E2F3: variants seen among roughly 807,000 people sequenced by gnomAD.
E2F3 encodes the protein transcription factor E2F3.
Under a neutral mutation model 44.4 loss-of-function variants are expected in E2F3, and 11 were observed. The ratio of observed to expected loss-of-function variants is 0.25; its 90% CI spans 0.16 to 0.41. E2F3 has a LOEUF of 0.41. Ranked by LOEUF, E2F3 falls within the 10% of genes least tolerant of loss-of-function variation. E2F3 has a pLI of 1.00. For synonymous variants in E2F3, 249 were observed against 253.0 expected (o/e 0.98, Z 0.15); for missense variants, 487 against 583.6 (o/e 0.83, Z 1.70).
intron 1 of E2F3, among the ~76,000 whole-genome samples, chr6:20,457,816 G>A (rs1260174381): frequency 6.6e-6 from 1 of 152,068 alleles, no homozygotes; most frequent in East Asian, 1.9e-4. Context: ...AGTTAATACT[G>A]TCATCCCTTT....
chr6:20,479,161 T>G (rs1762138656), intron 1 of E2F3, among the ~76,000 whole-genome samples: 1 of 152,210 alleles, frequency 6.6e-6, no homozygotes, highest in East Asian at 1.9e-4. Flanking sequence ...ATTGCATGTT[T>G]GCAGTATTTG....
At chr6:20,471,239 A>G (rs369935879) in intron 1 of E2F3, among the ~76,000 whole-genome samples, 38 of 152,300 alleles carry the variant, frequency 2.5e-4, no homozygotes, top group Non-Finnish European at 5.1e-4. Context: ...ATTTCAAGAT[A>G]TAAATGTATA....
intron 1 of E2F3, among the ~76,000 whole-genome samples, chr6:20,407,363 C>T (rs1759526823): frequency 1.3e-5 from 2 of 152,210 alleles, no homozygotes; most frequent in Admixed American, 1.3e-4. Context: ...AAATATGGCA[C>T]TGTGGGCTGA....
chr6:20,413,847 T>C (rs898054408), intron 1 of E2F3, among the ~76,000 whole-genome samples: 7 of 152,050 alleles, frequency 4.6e-5, no homozygotes, highest in Non-Finnish European at 1.0e-4. Context: ...AATGATGGTG[T>C]GAAAAGGCAG....
chr6:20,463,571 A>G (rs2068472829), intron 1 of E2F3, among the ~76,000 whole-genome samples: 2 of 152,120 alleles, frequency 1.3e-5, no homozygotes, highest in African/African-American at 4.8e-5. Context: ...TCTCTGGGAA[A>G]AAGTCCCTAT....
intron 4 of E2F3, 63 bp downstream of exon 4, chr6:20,482,983 A>T (rs1256543555): frequency 6.2e-7 from 1 of 1,605,656 alleles, no homozygotes; most frequent in Non-Finnish European, 8.5e-7. Context: ...CAGAGTTGAC[A>T]ATCTGACTTA....
intron 1 of E2F3, chr6:20,403,924 G>A (rs1343879250): frequency 1.3e-6 from 1 of 764,538 alleles, no homozygotes; most frequent in African/African-American, 1.9e-5. Context: ...CGGTTGAGCG[G>A]GGTTTTGGAG....
At chr6:20,489,710 C>G (rs1381455237) in intron 6 of E2F3, among the ~76,000 whole-genome samples, 1 of 151,942 alleles carries the variant, frequency 6.6e-6, no homozygotes, top group Non-Finnish European at 1.5e-5. Context: ...CATGGTGGCT[C>G]ACACCTGTAA....
chr6:20,413,052 C>T (rs902754417), intron 1 of E2F3, among the ~76,000 whole-genome samples: 9 of 152,202 alleles, frequency 5.9e-5, no homozygotes, highest in African/African-American at 2.2e-4. Flanking sequence ...GGTTAATGGC[C>T]TGGCTCTGGG....
At chr6:20,482,599 A>AATATAT (rs148425868) in intron 3 of E2F3, among the ~76,000 whole-genome samples, 163 bp from the exon 4 acceptor site, 27 of 134,498 alleles carry the variant, frequency 2.0e-4, no homozygotes, top group South Asian at 4.6e-4. Flanking sequence ...TGAAAAAAAA[A>AATATAT]ATATATATAT....
At chr6:20,446,537 A>T (rs1760950548) in intron 1 of E2F3, among the ~76,000 whole-genome samples, 1 of 152,154 alleles carries the variant, frequency 6.6e-6, no homozygotes, top group Non-Finnish European at 1.5e-5. Context: ...AGAAAATGGA[A>T]AGTGAAATTT....
chr6:20,475,478 G>A (rs982647336), intron 1 of E2F3, among the ~76,000 whole-genome samples: 31 of 152,234 alleles, frequency 2.0e-4, no homozygotes, highest in South Asian at 4.1e-4. Flanking sequence ...GGAGTTCTGG[G>A]TCCCAGACTC....
chr6:20,485,813 C>A (rs112346880), intron 4 of E2F3, among the ~76,000 whole-genome samples: 4 of 152,290 alleles, frequency 2.6e-5, no homozygotes, highest in African/African-American at 9.6e-5. Context: ...AGCCCAGGTG[C>A]ACTTAAGAAA....
In E2F3 at chr6:20,486,816, C is replaced by T. The variant is rs1286243656; in HGVS notation, c.999+13C>T. ...TGACTCAATAGAGGTAAGGAGACAGCGTCTTTGTTCATCTGCAAAGATCTT... is the reference window on the plus strand; with the variant it reads ...TGACTCAATAGAGGTAAGGAGACAGTGTCTTTGTTCATCTGCAAAGATCTT... On this transcript the variant is annotated intron_variant, in intron 5 of 6. Transcript: ENST00000346618. 3.9e-6 allele frequency: 6 copies of T among 1,522,044 alleles called. No individual in the cohort carries two copies. Among genetic ancestry groups the T allele is most frequent in the South Asian group, 1.2e-5 (1 of 85,966 alleles). The allele number at this position is 1,522,044 out of a possible 1,614,324, so 94.3% of individuals were successfully genotyped here.
intron 1 of E2F3, among the ~76,000 whole-genome samples, chr6:20,446,000 G>A (rs1465128518): frequency 6.6e-6 from 1 of 152,180 alleles, no homozygotes; most frequent in Non-Finnish European, 1.5e-5. Flanking sequence ...ACTCAGACTG[G>A]GACAGTGTAG....
intron 1 of E2F3, among the ~76,000 whole-genome samples, chr6:20,430,096 T>G (rs1418546632): frequency 6.6e-6 from 1 of 152,172 alleles, no homozygotes; most frequent in Non-Finnish European, 1.5e-5. Context: ...ACTTTTAAAT[T>G]CTAAATTTGC....
intron 1 of E2F3, among the ~76,000 whole-genome samples, chr6:20,473,945 T>G (rs1761967696): frequency 6.6e-6 from 1 of 152,078 alleles, no homozygotes; most frequent in Non-Finnish European, 1.5e-5. Context: ...CAGTCTCAAG[T>G]CTTGTCTTTT....
At chr6:20,407,137 T>G (rs1759519029) in intron 1 of E2F3, among the ~76,000 whole-genome samples, 1 of 152,156 alleles carries the variant, frequency 6.6e-6, no homozygotes, top group African/African-American at 2.4e-5. Context: ...AAAAGAAAAG[T>G]GCCGGGTTCC....
At chr6:20,442,799 G>A (rs1189731242) in intron 1 of E2F3, among the ~76,000 whole-genome samples, 5 of 151,898 alleles carry the variant, frequency 3.3e-5, no homozygotes, top group African/African-American at 4.8e-5. Context: ...GTGAAACCCC[G>A]TCTCTACTAA....
Sources: gnomAD v4.1 joint callset for allele counts (sites outside exome capture counted in the v4.1 genomes callset) on GRCh38, gnomAD v4.1.1 for gene constraint, MANE v1.5 for transcripts, NCBI Gene and HGNC (gene_info 2026-07-23, HGNC 2026-07-21) for gene names.